Variants in ZFAT observed in about 807,000 individuals in gnomAD.
The protein encoded by ZFAT is zinc finger protein ZFAT.
In ZFAT, 64 loss-of-function variants were observed where a neutral mutation model predicts 117.7. That is an observed-to-expected ratio of 0.54 (90% CI 0.44 to 0.67). ZFAT has a LOEUF of 0.67. Ranked by LOEUF, ZFAT falls within the 30% of genes least tolerant of loss-of-function variation. The pLI is 0.00. For synonymous variants in ZFAT, 679 were observed against 615.0 expected (o/e 1.10, Z -1.54); for missense variants, 1,433 against 1,584.5 (o/e 0.90, Z 1.62).
chr8:134,623,254 C>G (rs1200738862), intron 3 of ZFAT, among the ~76,000 whole-genome samples: 1 of 152,244 alleles, frequency 6.6e-6, no homozygotes, highest in Non-Finnish European at 1.5e-5. Flanking sequence ...TCATCATCCT[C>G]AACCCATCCG....
intron 3 of ZFAT, among the ~76,000 whole-genome samples, chr8:134,619,030 G>A (rs1010159882): frequency 5.9e-5 from 9 of 152,182 alleles, no homozygotes; most frequent in African/African-American, 2.2e-4. Flanking sequence ...TGGGAAGTAG[G>A]AAAAGTTTGT....
intron 1 of ZFAT, among the ~76,000 whole-genome samples, chr8:134,677,606 A>G (rs952402879): frequency 6.6e-6 from 1 of 152,248 alleles, no homozygotes; most frequent in African/African-American, 2.4e-5. Context: ...GGCCAGCATC[A>G]TCCTGATACC....
intron 3 of ZFAT, among the ~76,000 whole-genome samples, chr8:134,636,354 C>T (rs1414304564): frequency 6.6e-6 from 1 of 152,174 alleles, no homozygotes; most frequent in African/African-American, 2.4e-5. Flanking sequence ...ATACTGTATC[C>T]ATGTGGTTAT....
intron 11 of ZFAT, among the ~76,000 whole-genome samples, chr8:134,533,907 T>G (rs1821621106): frequency 6.6e-6 from 1 of 152,206 alleles, no homozygotes; most frequent in Non-Finnish European, 1.5e-5. Flanking sequence ...GGTCAGGAGC[T>G]GCCAGCATGC....
chr8:134,762,111 C>T, the ZFAT span, among the ~76,000 whole-genome samples: 1 of 151,954 alleles, frequency 6.6e-6, no homozygotes. Flanking sequence ...ACTCCATTGG[C>T]CAAAGTAAGT....
chr8:134,545,322 G>A (rs1822609522), intron 11 of ZFAT, among the ~76,000 whole-genome samples: 1 of 152,062 alleles, frequency 6.6e-6, no homozygotes, highest in South Asian at 2.1e-4. Flanking sequence ...GACCAGCCTG[G>A]GCAACATACT....
chr8:134,776,071 C>T, the ZFAT span, among the ~76,000 whole-genome samples: 125 of 152,294 alleles, frequency 8.2e-4, no homozygotes, highest in African/African-American at 2.9e-3. Context: ...CTGTTTTCAG[C>T]TCTTTCAATT....
At chr8:134,717,241 G>A (rs1245052103), upstream of ZFAT, among the ~76,000 whole-genome samples, 1 of 151,984 alleles carries the variant, frequency 6.6e-6, no homozygotes, top group Non-Finnish European at 1.5e-5. Context: ...GCAAGAACTT[G>A]CTGTAAGTCC....
the ZFAT span, among the ~76,000 whole-genome samples, chr8:134,750,708 G>C: frequency 6.6e-6 from 1 of 152,174 alleles, no homozygotes; most frequent in Non-Finnish European, 1.5e-5. Flanking sequence ...TGAAGTTGCA[G>C]TGAGCCGTGA....
At chr8:134,590,410 T>TA (rs1435727051) in intron 7 of ZFAT, 55 bp from the exon 8 acceptor site, 20 of 1,471,938 alleles carry the variant, frequency 1.4e-5, no homozygotes, top group Non-Finnish European at 1.8e-5. Flanking sequence ...CTGTGGTCTG[T>TA]AAAAAATAAC....
At chr8:134,631,190 G>A (rs1397583415) in intron 3 of ZFAT, among the ~76,000 whole-genome samples, 3 of 152,212 alleles carry the variant, frequency 2.0e-5, no homozygotes, top group Admixed American at 6.5e-5. Flanking sequence ...GGAGGAAGCC[G>A]ATAATCTGAT....
At chr8:134,607,395 A>G (rs1222098029) in intron 5 of ZFAT, among the ~76,000 whole-genome samples, 1 of 152,270 alleles carries the variant, frequency 6.6e-6, no homozygotes, top group Admixed American at 6.5e-5. Context: ...AGAGCACTAC[A>G]TGTGCCAGGC....
At chr8:134,498,338 C>G (rs1236648262) in intron 15 of ZFAT, among the ~76,000 whole-genome samples, 78 of 147,506 alleles carry the variant, frequency 5.3e-4, no homozygotes, top group Non-Finnish European at 9.3e-4. Flanking sequence ...AGCTGGGATG[C>G]CCCCGTTGCT....
chr8:134,486,237 C>T (rs972263064), intron 15 of ZFAT, among the ~76,000 whole-genome samples: 5 of 152,186 alleles, frequency 3.3e-5, no homozygotes, highest in Admixed American at 1.3e-4. Flanking sequence ...CCCACATTCC[C>T]AGTGCCCTCC....
the ZFAT span, among the ~76,000 whole-genome samples, chr8:134,726,697 C>T: frequency 6.6e-6 from 1 of 152,122 alleles, no homozygotes; most frequent in Admixed American, 6.5e-5. Context: ...CAGGCTCAAG[C>T]AGCAAGCAGT....
chr8:134,672,139 T>C (rs1308787619), intron 1 of ZFAT, among the ~76,000 whole-genome samples: 6 of 152,378 alleles, frequency 3.9e-5, no homozygotes, highest in Middle Eastern at 3.4e-3. Flanking sequence ...TCCATGTTCA[T>C]GGATAGGAAG....
chr8:134,820,790 T>C, the ZFAT span, among the ~76,000 whole-genome samples: 2 of 152,216 alleles, frequency 1.3e-5, no homozygotes, highest in Admixed American at 6.5e-5. Flanking sequence ...GCAATAAATA[T>C]TTTTGAAATA....
the ZFAT span, among the ~76,000 whole-genome samples, chr8:134,760,864 G>A: frequency 3.3e-5 from 5 of 152,280 alleles, no homozygotes; most frequent in South Asian, 1.0e-3. Context: ...GGTGCTAACT[G>A]CTGTAAATAC....
At chr8:134,701,028 T>C (rs561131798) in intron 1 of ZFAT, among the ~76,000 whole-genome samples, 1 of 152,268 alleles carries the variant, frequency 6.6e-6, no homozygotes, top group South Asian at 2.1e-4. Flanking sequence ...TAAATACACA[T>C]AAAATGTACC....
Sources: gnomAD v4.1 joint callset for allele counts (sites outside exome capture counted in the v4.1 genomes callset) on GRCh38, gnomAD v4.1.1 for gene constraint, MANE v1.5 for transcripts, NCBI Gene and HGNC (gene_info 2026-07-23, HGNC 2026-07-21) for gene names.